The following KAZN variants were observed in gnomAD, a reference collection of about 807,000 sequenced individuals.
KAZN encodes kazrin.
A neutral mutation model predicts 87.4 loss-of-function variants in KAZN; 40 were observed. The observed-to-expected ratio is 0.46, with a 90% confidence interval of 0.36 to 0.60. The LOEUF (loss-of-function observed/expected upper bound fraction) is 0.60. Among genes scored for constraint, KAZN ranks in the 20% least tolerant of loss-of-function variants. The probability of loss-of-function intolerance (pLI) is 0.00; values close to 1 mark genes in which losing one functional copy is unlikely to be tolerated. For synonymous variants in KAZN, 466 were observed against 458.3 expected, an observed-to-expected ratio of 1.02 and a Z score of -0.22; for missense variants, 898 against 1,073.9, an observed-to-expected ratio of 0.84 and a Z score of 2.29.
chr1:14,557,720 A>G (rs533793740), intron 2 of KAZN, among the ~76,000 whole-genome samples: 10 of 151,628 alleles, frequency 6.6e-5, no homozygotes, highest in Non-Finnish European at 8.8e-5. Context: ...ATTGGCTCAC[A>G]TGACTAAGGA....
chr1:13,919,800 C>A (rs1293776044), intron 1 of KAZN, among the ~76,000 whole-genome samples: 1 of 152,134 alleles, frequency 6.6e-6, no homozygotes, highest in African/African-American at 2.4e-5. Context: ...CAGAAACTTC[C>A]AATTTTGATG....
At chr1:14,728,514 A>G (rs572844284) in intron 1 of KAZN, among the ~76,000 whole-genome samples, 44 of 152,270 alleles carry the variant, frequency 2.9e-4, no homozygotes, top group African/African-American at 1.0e-3. Flanking sequence ...CTAAGTCTGT[A>G]GTAGCCCCAG....
At chr1:14,114,516 C>T (rs1644570328) in intron 1 of KAZN, among the ~76,000 whole-genome samples, 1 of 152,220 alleles carries the variant, frequency 6.6e-6, no homozygotes, top group Middle Eastern at 3.4e-3. Flanking sequence ...ACCCCACCGT[C>T]GATGCCCCCC....
At chr1:14,245,705 C>G (rs1024495498) in intron 2 of KAZN, among the ~76,000 whole-genome samples, 4 of 152,096 alleles carry the variant, frequency 2.6e-5, no homozygotes, top group Non-Finnish European at 4.4e-5. Context: ...AAGCACATCC[C>G]CACCAGCTGT....
intron 8 of KAZN, among the ~76,000 whole-genome samples, chr1:15,090,116 A>G (rs901650543): frequency 5.9e-5 from 9 of 152,226 alleles, no homozygotes; most frequent in Non-Finnish European, 1.0e-4. Context: ...CGAGGCAGAT[A>G]TTCTCATTAT....
At chr1:14,008,116 G>T (rs1316409462) in intron 1 of KAZN, among the ~76,000 whole-genome samples, 1 of 152,116 alleles carries the variant, frequency 6.6e-6, no homozygotes, top group African/African-American at 2.4e-5. Flanking sequence ...AAAGGTCAAG[G>T]CATGCTGCTC....
At chr1:13,952,645 CTGT>C (rs1641396510) in intron 1 of KAZN, among the ~76,000 whole-genome samples, 2 of 54,730 alleles carry the variant, frequency 3.7e-5, no homozygotes, top group South Asian at 2.5e-3. Flanking sequence ...CTTCTGGGAA[CTGT>C]TATAAACCCC....
intron 2 of KAZN, among the ~76,000 whole-genome samples, chr1:14,544,504 T>G (rs188669813): frequency 6.6e-6 from 1 of 151,852 alleles, no homozygotes; most frequent in Non-Finnish European, 1.5e-5. Flanking sequence ...AGACTTCTTA[T>G]GAAATTCAAA....
At chr1:14,416,049 G>C (rs766355941) in intron 2 of KAZN, among the ~76,000 whole-genome samples, 2 of 152,152 alleles carry the variant, frequency 1.3e-5, no homozygotes, top group African/African-American at 2.4e-5. Flanking sequence ...GGCTGCTGAA[G>C]AGTTTGCAGA....
Position 14,702,326 on chromosome 1 carries a change from CTGTGTGTGTGTGTG to C in KAZN, c.226+103130_226+103143del, listed in dbSNP as rs3222186. Among the ~76,000 whole-genome samples the C allele has an allele frequency of 3.3e-3, 442 of 133,368 alleles. 2 individuals are homozygous for C. Among genetic ancestry groups the C allele is most frequent in the African/African-American group, 0.011 (396 of 35,328 alleles). The allele number at this position is 133,368 out of a possible 152,430, so 87.5% of individuals were successfully genotyped here. A position where few individuals can be genotyped will look rare whatever the true frequency, so the allele number is the denominator to read the frequency against. ...GGAAAATGCTGATATTTTTGCAAAA[CTGTGTGTGTGTGTG>C]TGTGTGTGTGTGTGTGTGTGTGTGT... is the stretch of plus-strand genomic sequence containing the variant. On this transcript the variant is annotated intron_variant, in intron 1 of 14. Coordinates refer to ENST00000376030, the MANE Select transcript of KAZN (RefSeq NM_201628.3).
intron 2 of KAZN, among the ~76,000 whole-genome samples, chr1:14,548,350 C>A (rs1673299173): frequency 6.6e-6 from 1 of 152,074 alleles, no homozygotes; most frequent in Non-Finnish European, 1.5e-5. Flanking sequence ...AGGCGCCCAC[C>A]ACCATGCCTG....
upstream of KAZN, among the ~76,000 whole-genome samples, chr1:14,597,876 A>AT (rs903734191): frequency 3.9e-5 from 6 of 152,204 alleles, no homozygotes; most frequent in Non-Finnish European, 5.9e-5. Context: ...TGGAGAGGGC[A>AT]TATCAACGTC....
intron 2 of KAZN, among the ~76,000 whole-genome samples, chr1:14,276,160 GGTGTGTGT>G (rs5772575): frequency 0.022 from 2,929 of 135,736 alleles, 42 homozygotes; most frequent in African/African-American, 0.041. Flanking sequence ...TCGCTATAAG[GGTGTGTGT>G]GTGTGTGTGT....
intron 1 of KAZN, among the ~76,000 whole-genome samples, chr1:14,900,640 A>C (rs563376026): frequency 6.6e-6 from 1 of 151,652 alleles, no homozygotes; most frequent in Non-Finnish European, 1.5e-5. Flanking sequence ...TGTAGTCCCA[A>C]CTACTCGGGA....
intron 1 of KAZN, among the ~76,000 whole-genome samples, chr1:14,722,018 G>C (rs1479638039): frequency 6.6e-6 from 1 of 152,090 alleles, no homozygotes; most frequent in Admixed American, 6.5e-5. Context: ...AGCCAGGCAT[G>C]GTGGTGCATG....
chr1:14,483,401 C>T (rs2148395719), intron 2 of KAZN, among the ~76,000 whole-genome samples: 1 of 152,320 alleles, frequency 6.6e-6, no homozygotes, highest in South Asian at 2.1e-4. Context: ...GGAAACCTCA[C>T]TGACATAAGA....
chr1:14,384,718 C>A (rs1386465299), intron 2 of KAZN, among the ~76,000 whole-genome samples: 1 of 151,418 alleles, frequency 6.6e-6, no homozygotes, highest in East Asian at 2.0e-4. Flanking sequence ...TTCGGTTTGC[C>A]AGTATTTTAT....
intron 1 of KAZN, among the ~76,000 whole-genome samples, chr1:14,911,839 G>A (rs1193954702): frequency 2.0e-5 from 3 of 152,100 alleles, no homozygotes; most frequent in Non-Finnish European, 4.4e-5. Flanking sequence ...TTTATACATG[G>A]GAAAACTGAA....
chr1:14,897,885 G>A (rs148155900), intron 1 of KAZN, among the ~76,000 whole-genome samples: 119 of 152,310 alleles, frequency 7.8e-4, no homozygotes, highest in South Asian at 3.7e-3. Context: ...GAAACTAACC[G>A]GGGCTCACTC....
Sources: gnomAD v4.1 joint callset for allele counts (sites outside exome capture counted in the v4.1 genomes callset) on GRCh38, gnomAD v4.1.1 for gene constraint, MANE v1.5 for transcripts, NCBI Gene and HGNC (gene_info 2026-07-23, HGNC 2026-07-21) for gene names.